PIEZO2: variants seen among roughly 807,000 people sequenced by gnomAD.
PIEZO2 encodes the protein piezo-type mechanosensitive ion channel component 2.
Under a neutral mutation model 337.3 loss-of-function variants are expected in PIEZO2, and 172 were observed. That is an observed-to-expected ratio of 0.51 (90% CI 0.45 to 0.58). PIEZO2 has a LOEUF of 0.58. PIEZO2 is among the 20% of genes least tolerant of loss of function. The pLI is 0.00. For missense variants in PIEZO2, 3,028 were observed against 3,391.3 expected, an observed-to-expected ratio of 0.89 and a Z score of 2.66; for synonymous variants, 1,251 against 1,228.5, an observed-to-expected ratio of 1.02 and a Z score of -0.38.
rs1447853469 is a variant in PIEZO2, at chr18:10,958,670, C to T, written c.286+20865G>A. On this transcript the variant is annotated intron_variant, in intron 3 of 55. Coordinates refer to ENST00000674853, the MANE Select transcript of PIEZO2 (RefSeq NM_001378183.1). The stretch of plus-strand genomic sequence containing the variant: ...ATAAATATACACAATACTTATTTCT[C>T]AATTAAAAATAAATTTAAACAACAA... Among the ~76,000 whole-genome samples the T allele has an allele frequency of 2.0e-5, 3 of 152,096 alleles. No homozygotes were observed. In the East Asian group the frequency reaches 5.8e-4, roughly 29 times the overall value.
Position 10,680,180 on chromosome 18 carries a change from A to T in PIEZO2, c.7952+19T>A. 9 of 1,588,828 alleles carry T rather than the reference A, an allele frequency of 5.7e-6. No individual in the cohort carries two copies. The highest frequency in any genetic ancestry group is 7.7e-6 in the Non-Finnish European group (9 of 1,163,368). ...GACTGGGGAAAGGGATAAATTATAC[A>T]TGGAAATACAGTAACTACCTCTGAA... is the stretch of plus-strand genomic sequence containing the variant. On this transcript the variant is annotated intron_variant, in intron 52 of 55. Coordinates refer to ENST00000674853, the MANE Select transcript of PIEZO2 (RefSeq NM_001378183.1).
chr18:11,084,108 T>C (rs1598933808), intron 1 of PIEZO2, among the ~76,000 whole-genome samples: 1 of 126,688 alleles, frequency 7.9e-6, no homozygotes, highest in African/African-American at 3.1e-5. Context: ...ACCTGGGGGG[T>C]GGAGGCTGCA....
intron 3 of PIEZO2, among the ~76,000 whole-genome samples, chr18:10,926,109 G>T (rs1291314073): frequency 6.6e-6 from 1 of 152,322 alleles, no homozygotes; most frequent in Non-Finnish European, 1.5e-5. Flanking sequence ...TGGTGAGAAA[G>T]CTACAGAAAA....
At position 10,682,149 on chromosome 18, in the gene PIEZO2, G is replaced by A. The variant is rs2034294557; in HGVS notation, c.7641C>T (p.Asn2547=). 2.6e-6 allele frequency: 4 copies of A among 1,537,076 alleles called. No homozygotes were observed. The highest frequency in any genetic ancestry group is 3.5e-6 in the Non-Finnish European group (4 of 1,146,896). ...SLIKSVAGVI[N]QPLDVSVTIT... is the part of the protein sequence containing the mutation. ...TTGTGACGGAGACGTCCAGGGGCTG[G>A]TTGATGACCCCAGCCACAGATTTGA... The change falls in exon 50 of 56, where the codon AAC becomes AAT. Residue 2547 remains asparagine (N), a synonymous_variant. Coordinates refer to ENST00000674853, the MANE Select transcript of PIEZO2 (RefSeq NM_001378183.1). The surrounding 1 kb of genome is among the most constrained non-coding windows in gnomAD (Gnocchi z 5.6).
At chr18:10,723,653 A>T (rs1179022122) in intron 36 of PIEZO2, among the ~76,000 whole-genome samples, 1 of 152,076 alleles carries the variant, frequency 6.6e-6, no homozygotes, top group Non-Finnish European at 1.5e-5. Flanking sequence ...CAGACAAGGG[A>T]GCTCGGCAGC....
In PIEZO2 at chr18:11,146,469, G is replaced by A. The variant is rs1392665497; in HGVS notation, c.64+2056C>T. Among the ~76,000 whole-genome samples, 2 of 152,100 alleles carry A rather than the reference G, an allele frequency of 1.3e-5. No individual in the cohort carries two copies. The highest frequency in any genetic ancestry group is 2.9e-5 in the Non-Finnish European group (2 of 68,018). On this transcript the variant is annotated intron_variant, in intron 1 of 55. Coordinates refer to ENST00000674853, the MANE Select transcript of PIEZO2 (RefSeq NM_001378183.1). This position sits in a 1 kb window ranked among gnomAD's most constrained non-coding sequence, Gnocchi z 6.1. ...ACCTCCACCCTGGCTGCGAGTCACC[G>A]CCCCGAGCCCCTGTGCCCAGCAACC...
chr18:10,826,851 C>A (rs1195143426), intron 7 of PIEZO2, among the ~76,000 whole-genome samples: 1 of 152,192 alleles, frequency 6.6e-6, no homozygotes, highest in African/African-American at 2.4e-5. Flanking sequence ...TGTGCTTCAC[C>A]TATTCAACCT....
chr18:11,029,649 G>T (rs1259047515), intron 2 of PIEZO2, among the ~76,000 whole-genome samples: 1 of 152,126 alleles, frequency 6.6e-6, no homozygotes, highest in Non-Finnish European at 1.5e-5. Context: ...GTCTGCTGGG[G>T]TAGTTCTTTC....
At position 10,795,313 on chromosome 18, in the gene PIEZO2, A is replaced by AAT. The variant is rs10694669; in HGVS notation, c.1528-313_1528-312dup. Among the ~76,000 whole-genome samples the AAT allele has an allele frequency of 9.4e-4, 46 of 48,762 alleles. No individual in the cohort carries two copies. The highest frequency in any genetic ancestry group is 2.1e-3 in the South Asian group (3 of 1,452). 32.0% of individuals were successfully genotyped at this position (48,762 alleles called of 152,430 possible). On this transcript the variant is annotated intron_variant, in intron 12 of 55. Transcript: ENST00000674853. This position sits in a 1 kb window ranked among gnomAD's most constrained non-coding sequence, Gnocchi z 4.4. ...AGTTAAGTAGCAAAATGTGTATTCA[A>AAT]ATATTTTATTTTATTTTATTTTATT...
rs2040343612 is a variant in PIEZO2 at position 10,815,724 on chromosome 18, G to A, written c.918-8450C>T. ...TCACTCAGGAACAAGAGAAGAAGGA[G>A]AACAGTCTTCTGATGGTACATTATA... On this transcript the variant is annotated intron_variant, in intron 7 of 55. Coordinates refer to ENST00000674853, the MANE Select transcript of PIEZO2 (RefSeq NM_001378183.1). This position sits in a 1 kb window ranked among gnomAD's most constrained non-coding sequence, Gnocchi z 4.1. Among the ~76,000 whole-genome samples, 2 of 152,172 alleles carry A rather than the reference G, an allele frequency of 1.3e-5. No homozygotes were observed. Among genetic ancestry groups the A allele is most frequent in the South Asian group, 4.1e-4 (2 of 4,832 alleles).
In PIEZO2 at chr18:11,126,631, ATT is replaced by A. The variant is rs10713072; in HGVS notation, c.64+21892_64+21893del. The stretch of plus-strand genomic sequence containing the variant: ...CAAGAGCAGGAGCCATGCCTTACAT[ATT>A]TTTTTTTTTTTGTATTCCCAGAATC... On this transcript the variant is annotated intron_variant, in intron 1 of 55. Transcript: ENST00000674853. The surrounding 1 kb of genome is among the most constrained non-coding windows in gnomAD (Gnocchi z 4.6). Among the ~76,000 whole-genome samples, 159 of 145,820 alleles carry A rather than the reference ATT, an allele frequency of 1.1e-3. 1 individual carries two copies. Among genetic ancestry groups the A allele is most frequent in the Middle Eastern group, 3.5e-3 (1 of 286 alleles).
At chr18:10,774,462 G>GA (rs5823120) in intron 18 of PIEZO2, among the ~76,000 whole-genome samples, 116,147 of 152,042 alleles carry the variant, frequency 0.76, 44,641 homozygotes, top group East Asian at 0.93. Context: ...ATGTGCCATG[G>GA]AAGCTAAGTG....
intron 36 of PIEZO2, among the ~76,000 whole-genome samples, 192 bp downstream of exon 36, chr18:10,731,215 A>ATC (rs1567995816): frequency 6.2e-5 from 8 of 128,742 alleles, no homozygotes; most frequent in African/African-American, 1.2e-4. Flanking sequence ...ATATATATAT[A>ATC]TATCTCCTAA....
At chr18:11,026,294 A>G (rs1470146705) in intron 2 of PIEZO2, among the ~76,000 whole-genome samples, 1 of 152,206 alleles carries the variant, frequency 6.6e-6, no homozygotes, top group East Asian at 1.9e-4. Context: ...AGTCAGCTCC[A>G]TAACCGAACA....
intron 2 of PIEZO2, among the ~76,000 whole-genome samples, chr18:10,989,783 T>C (rs1044963451): frequency 2.0e-5 from 3 of 152,048 alleles, no homozygotes; most frequent in African/African-American, 4.8e-5. Context: ...AAATCACAAA[T>C]GAATGACATT....
chr18:11,024,842 T>G (rs2036474308), intron 2 of PIEZO2, among the ~76,000 whole-genome samples: 1 of 152,076 alleles, frequency 6.6e-6, no homozygotes, highest in East Asian at 1.9e-4. Flanking sequence ...TTTCACCATG[T>G]TGACCAGGGG....
chr18:10,963,990 G>T (rs1266136982), intron 3 of PIEZO2, among the ~76,000 whole-genome samples: 1 of 152,114 alleles, frequency 6.6e-6, no homozygotes, highest in Admixed American at 6.5e-5. Context: ...GGCTCTACAA[G>T]GTTCCCAAGA....
At chr18:10,808,408 T>C (rs2040067709) in intron 7 of PIEZO2, among the ~76,000 whole-genome samples, 1 of 152,142 alleles carries the variant, frequency 6.6e-6, no homozygotes, top group Non-Finnish European at 1.5e-5. Context: ...CACTTTTATA[T>C]GTGAATTTCC....
At position 10,672,914 on chromosome 18, in the gene PIEZO2, T is replaced by C; in HGVS notation, c.8162-41A>G. The C allele has an allele frequency of 6.6e-7, 1 of 1,523,534 alleles. No homozygotes were observed. The highest frequency in any genetic ancestry group is 1.2e-5 in the South Asian group (1 of 83,748). The allele number at this position is 1,523,534 out of a possible 1,614,324, so 94.4% of individuals were successfully genotyped here. ...TGCAAAATTAAGTTGACATGAGAATTTTAGGATTTCATGCACAGCAACAGT... is the reference window on the plus strand; with the variant it reads ...TGCAAAATTAAGTTGACATGAGAATCTTAGGATTTCATGCACAGCAACAGT... On this transcript the variant is annotated intron_variant, in intron 54 of 55. Coordinates refer to ENST00000674853, the MANE Select transcript of PIEZO2 (RefSeq NM_001378183.1). The surrounding 1 kb of genome is among the most constrained non-coding windows in gnomAD (Gnocchi z 4.7).
Sources: gnomAD v4.1 joint callset for allele counts (sites outside exome capture counted in the v4.1 genomes callset) on GRCh38, gnomAD v4.1.1 for gene constraint, Gnocchi (gnomAD v3.1) non-coding constraint, MANE v1.5 for transcripts, NCBI Gene and HGNC (gene_info 2026-07-23, HGNC 2026-07-21) for gene names.